RTL4: variants seen among roughly 807,000 people sequenced by gnomAD.
The protein encoded by RTL4 is retrotransposon Gag like 4, also known as retrotransposon Gag-like protein 4.
In RTL4, 4 loss-of-function variants were observed where a neutral mutation model predicts 5.3. The observed-to-expected ratio is 0.75, with a 90% CI of 0.37 to 1.72. RTL4 has a LOEUF of 1.72. Among genes scored for constraint, RTL4 ranks in the 40% most tolerant of loss-of-function variants. RTL4 has a pLI of 0.04. For missense variants in RTL4, 260 were observed against 227.1 expected (o/e 1.14, Z -0.93); for synonymous variants, 98 against 87.3 (o/e 1.12, Z -0.68).
the RTL4 span, among the ~76,000 whole-genome samples, chrX:112,337,262 GA>G: frequency 5.4e-5 from 6 of 112,063 alleles, no homozygotes; most frequent in Non-Finnish European, 9.4e-5. Context: ...GAATTGGAAA[GA>G]TAGAAAATAA....
chrX:112,263,640 T>C, the RTL4 span, among the ~76,000 whole-genome samples: 385 of 111,851 alleles, frequency 3.4e-3, no homozygotes, highest in African/African-American at 0.012. Context: ...AATGGAAAGA[T>C]TTCCTTATTT....
the RTL4 span, among the ~76,000 whole-genome samples, chrX:112,128,876 A>T: frequency 9.0e-6 from 1 of 111,297 alleles, no homozygotes; most frequent in Admixed American, 9.6e-5. Context: ...TGTGCATCAA[A>T]GGACATTATC....
the RTL4 span, among the ~76,000 whole-genome samples, chrX:112,354,233 A>G: frequency 0.38 from 41,170 of 109,739 alleles, 7,071 homozygotes; most frequent in African/African-American, 0.65. Flanking sequence ...ACTTGGAACC[A>G]GGCTGCTTGG....
At chrX:112,275,056 T>C in the RTL4 span, among the ~76,000 whole-genome samples, 3 of 111,312 alleles carry the variant, frequency 2.7e-5, no homozygotes, top group Non-Finnish European at 5.6e-5. Context: ...ATACACCTAA[T>C]ATGTGGAAAA....
chrX:112,310,922 G>A, the RTL4 span, among the ~76,000 whole-genome samples: 1 of 97,187 alleles, frequency 1.0e-5, no homozygotes, highest in African/African-American at 3.8e-5. Flanking sequence ...TATAAAACAG[G>A]AGACAGCAAA....
the RTL4 span, among the ~76,000 whole-genome samples, chrX:112,411,649 G>A: frequency 9.1e-6 from 1 of 110,176 alleles, no homozygotes; most frequent in Admixed American, 9.7e-5. Flanking sequence ...GATAAAATTC[G>A]GTATCTCTCC....
the RTL4 span, among the ~76,000 whole-genome samples, chrX:112,221,505 C>A: frequency 8.9e-6 from 1 of 111,971 alleles, no homozygotes; most frequent in Non-Finnish European, 1.9e-5. Context: ...CTCAGCCAAG[C>A]TCTTTCCAAA....
chrX:112,240,651 G>A, the RTL4 span, among the ~76,000 whole-genome samples: 2 of 111,193 alleles, frequency 1.8e-5, no homozygotes, highest in Non-Finnish European at 3.8e-5. Flanking sequence ...GGTGAAAAAG[G>A]GTAAATTGAA....
chrX:112,221,799 T>G, the RTL4 span, among the ~76,000 whole-genome samples: 1 of 112,289 alleles, frequency 8.9e-6, no homozygotes, highest in Non-Finnish European at 1.9e-5. Context: ...AGATTTAGCT[T>G]CCTTATTGTG....
chrX:112,288,343 G>A, the RTL4 span, among the ~76,000 whole-genome samples: 1 of 111,944 alleles, frequency 8.9e-6, no homozygotes, highest in African/African-American at 3.2e-5. Context: ...GCAGATATGT[G>A]TACACAATTT....
At chrX:112,442,747 G>C in the RTL4 span, among the ~76,000 whole-genome samples, 1 of 111,146 alleles carries the variant, frequency 9.0e-6, no homozygotes, top group Admixed American at 9.5e-5. Context: ...CAAGAAGGGA[G>C]GAAGAGCTAA....
chrX:112,336,067 T>C, the RTL4 span, among the ~76,000 whole-genome samples: 1 of 110,719 alleles, frequency 9.0e-6, no homozygotes, highest in African/African-American at 3.3e-5. Flanking sequence ...AGTGCTGGGA[T>C]TACAGGCCTG....
At chrX:112,440,411 C>T in the RTL4 span, among the ~76,000 whole-genome samples, 2 of 111,404 alleles carry the variant, frequency 1.8e-5, no homozygotes, top group Non-Finnish European at 3.8e-5. Flanking sequence ...ATGATACATC[C>T]TTGCAGAAGA....
the RTL4 span, among the ~76,000 whole-genome samples, chrX:112,101,141 C>A: frequency 9.0e-6 from 1 of 111,334 alleles, no homozygotes; most frequent in African/African-American, 3.3e-5. Context: ...ACAAAGGAAA[C>A]AATATATTAC....
At chrX:112,404,570 A>T in the RTL4 span, among the ~76,000 whole-genome samples, 93 of 112,446 alleles carry the variant, frequency 8.3e-4, 1 homozygote, top group Admixed American at 8.7e-3. Flanking sequence ...CAGCTAGAAG[A>T]TTTGAAGTTT....
the RTL4 span, among the ~76,000 whole-genome samples, chrX:112,221,576 G>A: frequency 1.8e-5 from 2 of 111,921 alleles, no homozygotes; most frequent in Admixed American, 9.5e-5. Flanking sequence ...AGCAACCCTA[G>A]AAGGAAAATA....
upstream of RTL4, among the ~76,000 whole-genome samples, chrX:112,451,887 A>T (rs1357724555): frequency 9.0e-6 from 1 of 111,238 alleles, no homozygotes; most frequent in Non-Finnish European, 1.9e-5. Flanking sequence ...GATATTGCTA[A>T]TAATGTTTTA....
At chrX:112,250,012 C>G in the RTL4 span, among the ~76,000 whole-genome samples, 1 of 110,803 alleles carries the variant, frequency 9.0e-6, no homozygotes, top group Non-Finnish European at 1.9e-5. Context: ...CGCAGTGGCT[C>G]ACGCCTGTAA....
chrX:112,150,733 C>T, the RTL4 span, among the ~76,000 whole-genome samples: 2 of 111,949 alleles, frequency 1.8e-5, no homozygotes, highest in African/African-American at 6.5e-5. Flanking sequence ...TACCCACAGC[C>T]CATCCATGGA....
Sources: allele counts gnomAD v4.1 joint callset (sites outside exome capture counted in the v4.1 genomes callset), GRCh38; gene constraint gnomAD v4.1.1; transcripts MANE v1.5; gene names NCBI Gene and HGNC (gene_info 2026-07-23, HGNC 2026-07-21).